The following ANXA7 variants were observed in gnomAD, a reference collection of about 807,000 sequenced individuals.
The protein encoded by ANXA7 is annexin A7, also known as annexin VII.
Under a neutral mutation model 64.9 loss-of-function variants are expected in ANXA7, and 55 were observed. The observed-to-expected ratio is 0.85, with a 90% CI of 0.68 to 1.06. The LOEUF (loss-of-function observed/expected upper bound fraction) is 1.06. Ranked by LOEUF, ANXA7 falls within the 50% of genes least tolerant of loss-of-function variation. The probability of loss-of-function intolerance (pLI) is 0.00; values close to 1 mark genes in which losing one functional copy is unlikely to be tolerated. For missense variants in ANXA7, 548 were observed against 582.1 expected (o/e 0.94, Z 0.60); for synonymous variants, 200 against 192.4 (o/e 1.04, Z -0.33).
At position 73,398,186 on chromosome 10, in the gene ANXA7, G is replaced by A. The variant is rs2055605968; in HGVS notation, c.254C>T (p.Pro85Leu). ...TTCCGCAACCCGTAACTCACCTCCG[G>A]GATAGGATGGAGCTCCCCCTGGCTG... ...APQPGGAPSY[P>L]GVPPGQGFGV... The change falls in exon 3 of 13, where the codon CCC becomes CTC. Residue 85 changes from proline to leucine, a missense_variant. By Grantham distance (98) the Pro-to-Leu change is moderately conservative (BLOSUM62 -3). Transcript: ENST00000372921. 6.2e-7 allele frequency: 1 copy of A among 1,610,332 alleles called. No individual in the cohort carries two copies. The highest frequency in any genetic ancestry group is 8.5e-7 in the Non-Finnish European group (1 of 1,177,488).
intron 4 of ANXA7, 114 bp from the exon 5 acceptor site, chr10:73,396,697 G>T: frequency 1.6e-6 from 1 of 610,278 alleles, no homozygotes; most frequent in Non-Finnish European, 2.7e-6. Flanking sequence ...TTCACACTAT[G>T]ATACTTATGA....
Position 73,383,211 on chromosome 10 carries a change from T to C in ANXA7, c.882A>G (p.Ser294=), listed in dbSNP as rs771111888. ...DLEKDIRSDT[S]GHFERLLVSM... ...ACACAAGTAAACGTTCAAAATGTCC[T>C]GATGTATCTGACCTAATGTCCTTTT... Residue 294 remains serine (S), a synonymous_variant, in exon 9 of 13, where the codon TCA becomes TCG. Coordinates refer to ENST00000372921, the MANE Select transcript of ANXA7 (RefSeq NM_001156.5). 1.2e-6 allele frequency: 2 copies of C among 1,613,920 alleles called. No individual in the cohort carries two copies. Among genetic ancestry groups the C allele is most frequent in the Non-Finnish European group, 1.7e-6 (2 of 1,179,974 alleles).
In ANXA7 at chr10:73,396,539, G is replaced by A; in HGVS notation, c.415C>T (p.Gln139Ter). ...GQMPSQYPGG[Q>*]PTYPSQPATV... Reference sequence around the variant, plus strand: ...AATACCTGACTAGGGTAAGTAGGTTGTCCTCCAGGATACTGAGAAGGCATC... The same window carrying A: ...AATACCTGACTAGGGTAAGTAGGTTATCCTCCAGGATACTGAGAAGGCATC... The change falls in exon 5 of 13, where the codon CAA becomes TAA. Residue 139 changes from glutamine (Q) to a stop codon, truncating the protein, a stop_gained. Transcript: ENST00000372921. LOFTEE classifies it high-confidence loss of function. 1 of 1,610,714 alleles carries A rather than the reference G, an allele frequency of 6.2e-7. No homozygotes were observed. Among genetic ancestry groups the A allele is most frequent in the Non-Finnish European group, 8.5e-7 (1 of 1,178,382 alleles).
chr10:73,380,925 C>T lies in ANXA7; in HGVS notation c.919-724G>A, dbSNP rs1003453145. ...TCTTTGTGTCAGGCACTGTGTTAAG[C>T]GGTAGGGACACAGGAGAGACAGGGT... On this transcript the variant is annotated intron_variant, in intron 9 of 12. Transcript: ENST00000372921. Among the ~76,000 whole-genome samples the T allele has an allele frequency of 5.3e-5, 8 of 152,114 alleles. No individual in the cohort carries two copies. In the South Asian group the frequency reaches 1.0e-3, roughly 20 times the overall value.
intron 1 of ANXA7, among the ~76,000 whole-genome samples, chr10:73,411,683 C>T (rs1333435484): frequency 2.0e-5 from 3 of 152,082 alleles, no homozygotes; most frequent in East Asian, 1.9e-4. Context: ...CCACCCACCT[C>T]GGCCTCCCAA....
chr10:73,389,647 A>G (rs1332835990), intron 5 of ANXA7, among the ~76,000 whole-genome samples: 1 of 152,194 alleles, frequency 6.6e-6, no homozygotes, highest in Non-Finnish European at 1.5e-5. Flanking sequence ...TTTTTTAGAG[A>G]TAGGCTCTCA....
chr10:73,377,896 C>T (rs969894311), intron 12 of ANXA7, among the ~76,000 whole-genome samples: 2 of 136,966 alleles, frequency 1.5e-5, no homozygotes, highest in African/African-American at 6.2e-5. Context: ...CAGGCTACCA[C>T]GCCCCGGCGT....
intron 5 of ANXA7, among the ~76,000 whole-genome samples, chr10:73,388,664 A>G (rs1272196549): frequency 6.6e-6 from 1 of 152,212 alleles, no homozygotes; most frequent in Non-Finnish European, 1.5e-5. Flanking sequence ...AGATGGCCAA[A>G]CTTGTGAAAT....
rs2055397896 is a variant in ANXA7, at chr10:73,387,693, C to T, written c.629G>A (p.Gly210Asp). 2.5e-6 allele frequency: 4 copies of T among 1,613,176 alleles called. No homozygotes were observed. The African/African-American group carries it at 4.0e-5, about 16-fold the overall frequency. Reference sequence around the variant, plus strand: ...TTCCAGGAAAGAAAAACATACCTTGCCATAGGAGGTCTTAAATGCTGCTTT... The same window carrying T: ...TTCCAGGAAAGAAAAACATACCTTGTCATAGGAGGTCTTAAATGCTGCTTT... ...KIKAAFKTSY[G>D]KDLIKDLKSE... is the part of the protein sequence containing the mutation. The change falls in exon 7 of 13, where the codon GGC (glycine) becomes GAC (aspartate). Residue 210 changes from glycine to aspartate, a missense_variant. Transcript: ENST00000372921.
intron 5 of ANXA7, among the ~76,000 whole-genome samples, chr10:73,392,435 C>T (rs1217643881): frequency 2.0e-5 from 3 of 152,184 alleles, no homozygotes; most frequent in South Asian, 2.1e-4. Flanking sequence ...TGATGAACAT[C>T]GATGCAAAAA....
At chr10:73,395,411 C>A (rs375089924) in intron 5 of ANXA7, among the ~76,000 whole-genome samples, 2 of 152,286 alleles carry the variant, frequency 1.3e-5, no homozygotes, top group African/African-American at 4.8e-5. Flanking sequence ...ATCAAGTATA[C>A]TGCTTATTTT....
rs78200962 is a variant in ANXA7, at chr10:73,389,951, G to C, written c.436-1537C>G. On this transcript the variant is annotated intron_variant, in intron 5 of 12. Transcript: ENST00000372921. ...TCAAGAAGTTTCTTAGGGTGTTCAA[G>C]TCAGGGCTTAAGAGGGATGGGATGA... 7.1e-3 allele frequency among the ~76,000 whole-genome samples: 1,079 copies of C among 152,262 alleles called. 17 individuals are homozygous for C. Among genetic ancestry groups the C allele is most frequent in the African/African-American group, 0.025 (1,029 of 41,556 alleles).
chr10:73,397,634 T>G (rs1002737625), intron 3 of ANXA7, among the ~76,000 whole-genome samples: 3 of 152,124 alleles, frequency 2.0e-5, no homozygotes, highest in African/African-American at 7.2e-5. Context: ...ATTTTCATAT[T>G]TTTAGTAGAG....
chr10:73,394,613 G>A (rs898287019), intron 5 of ANXA7, among the ~76,000 whole-genome samples: 4 of 152,182 alleles, frequency 2.6e-5, no homozygotes, highest in African/African-American at 7.2e-5. Flanking sequence ...CGTAAGGACA[G>A]AAAACCAGAC....
At chr10:73,413,472 G>A (rs566201860) in intron 1 of ANXA7, among the ~76,000 whole-genome samples, 2 of 152,300 alleles carry the variant, frequency 1.3e-5, no homozygotes, top group East Asian at 1.9e-4. Flanking sequence ...GCTGCTGGTC[G>A]GGGAACAGCA....
chr10:73,397,337 G>A, intron 3 of ANXA7, 63 bp from the exon 4 acceptor site: 3 of 940,914 alleles, frequency 3.2e-6, no homozygotes, highest in Admixed American at 2.5e-5. Flanking sequence ...AAAAACTTTA[G>A]AAAAATATCT....
At chr10:73,378,697 T>C (rs566351129) in intron 12 of ANXA7, among the ~76,000 whole-genome samples, 2 of 152,316 alleles carry the variant, frequency 1.3e-5, no homozygotes, top group South Asian at 2.1e-4. Context: ...GTTAGTATTA[T>C]CTTCATTAGG....
At chr10:73,386,104 C>T (rs1046166534) in intron 7 of ANXA7, among the ~76,000 whole-genome samples, 3 of 151,542 alleles carry the variant, frequency 2.0e-5, no homozygotes, top group African/African-American at 7.3e-5. Context: ...ATTCCAGCTA[C>T]TCGAGAGGCT....
At chr10:73,389,275 G>C (rs550617468) in intron 5 of ANXA7, among the ~76,000 whole-genome samples, 3 of 152,252 alleles carry the variant, frequency 2.0e-5, no homozygotes, top group South Asian at 4.1e-4. Context: ...AAAGCATCAA[G>C]GGCATGAACA....
Sources: gnomAD v4.1 joint callset for allele counts (sites outside exome capture counted in the v4.1 genomes callset) on GRCh38, gnomAD v4.1.1 for gene constraint, MANE v1.5 for transcripts, NCBI Gene and HGNC (gene_info 2026-07-23, HGNC 2026-07-21) for gene names.